PARD3B: variants seen among roughly 807,000 people sequenced by gnomAD.
PARD3B encodes the protein partitioning defective 3 homolog B.
A neutral mutation model predicts 130.2 loss-of-function variants in PARD3B; 103 were observed. The observed-to-expected ratio is 0.79, with a 90% CI of 0.67 to 0.93. The LOEUF (loss-of-function observed/expected upper bound fraction) is 0.93, where lower values mean the gene tolerates loss of function less well. PARD3B is among the 40% of genes least tolerant of loss of function. The pLI, the probability that PARD3B is intolerant of heterozygous loss-of-function variation, is 0.00. For missense variants in PARD3B, 1,609 were observed against 1,499.2 expected (o/e 1.07, Z -1.21); for synonymous variants, 583 against 553.2 (o/e 1.05, Z -0.76).
rs1395074441 is a variant in PARD3B at position 205,553,402 on chromosome 2, A to G, written c.3259A>G (p.Arg1087Gly). The change falls in exon 22 of 23, where the codon AGG becomes GGG. Residue 1087 changes from arginine (R) to glycine (G), a missense_variant and splice_region_variant. Arg to Gly is a moderately radical substitution (Grantham distance 125). Transcript: ENST00000406610. ...GMERQYASLP[R>G]GGPADPVDYL... ...GGAGAGGCAGTACGCATCCTTACCC[A>G]GGTAGATCACGGAGAGGTCTCCCAT... is the stretch of plus-strand genomic sequence containing the variant. 7 of 1,613,738 alleles carry G rather than the reference A, an allele frequency of 4.3e-6. No individual in the cohort carries two copies. The Admixed American group carries it at 6.7e-5, about 15-fold the overall frequency.
intron 3 of PARD3B, among the ~76,000 whole-genome samples, chr2:204,989,230 A>G (rs1693434598): frequency 6.6e-6 from 1 of 152,154 alleles, no homozygotes; most frequent in South Asian, 2.1e-4. Context: ...TGGAAATGGA[A>G]AGAATATTTC....
chr2:205,506,932 T>A (rs1266698890), intron 21 of PARD3B, among the ~76,000 whole-genome samples: 1 of 152,206 alleles, frequency 6.6e-6, no homozygotes, highest in Non-Finnish European at 1.5e-5. Context: ...ATCCAACTCC[T>A]CCAGACAGGC....
At chr2:205,388,477 T>G (rs1404966054) in intron 18 of PARD3B, among the ~76,000 whole-genome samples, 1 of 152,228 alleles carries the variant, frequency 6.6e-6, no homozygotes, top group East Asian at 1.9e-4. Flanking sequence ...ATCATCACTA[T>G]GCGCTAAGCT....
intron 1 of PARD3B, among the ~76,000 whole-genome samples, chr2:204,552,731 C>T (rs946262832): frequency 4.6e-5 from 7 of 152,280 alleles, no homozygotes; most frequent in East Asian, 3.9e-4. Flanking sequence ...TGCCAATTAT[C>T]GCAGCACCAT....
At chr2:205,383,138 A>AGATAGATCGATC (rs955641992) in intron 18 of PARD3B, among the ~76,000 whole-genome samples, 45 of 138,544 alleles carry the variant, frequency 3.2e-4, no homozygotes, top group Middle Eastern at 3.7e-3. Context: ...ATAGATAGAT[A>AGATAGATCGATC]GATCGATCTA....
At chr2:204,810,523 T>C (rs141599292) in intron 2 of PARD3B, among the ~76,000 whole-genome samples, 1 of 152,338 alleles carries the variant, frequency 6.6e-6, no homozygotes, top group African/African-American at 2.4e-5. Flanking sequence ...TCATTGTGCA[T>C]CTATTGTGAT....
intron 2 of PARD3B, among the ~76,000 whole-genome samples, chr2:204,883,522 G>A (rs1420726653): frequency 8.6e-5 from 12 of 139,254 alleles, no homozygotes; most frequent in African/African-American, 2.2e-4. Flanking sequence ...AATCTCGCTC[G>A]CTGCAACCTC....
rs530616613 is a variant in PARD3B at position 205,201,901 on chromosome 2, A to T, written c.2140+8581A>T. Among the ~76,000 whole-genome samples, 3 of 152,344 alleles carry T rather than the reference A, an allele frequency of 2.0e-5. No individual in the cohort carries two copies. In the East Asian group the frequency reaches 5.8e-4, roughly 29 times the overall value. Reference sequence around the variant, plus strand: ...TTATATGTTTTAACTACATAACTGTATTATAATATGTACACAGATTATAAC... The same window carrying T: ...TTATATGTTTTAACTACATAACTGTTTTATAATATGTACACAGATTATAAC... On this transcript the variant is annotated intron_variant, in intron 15 of 22. Transcript: ENST00000406610.
At chr2:204,602,524 G>T (rs1046772338) in intron 1 of PARD3B, among the ~76,000 whole-genome samples, 1 of 152,016 alleles carries the variant, frequency 6.6e-6, no homozygotes, top group Non-Finnish European at 1.5e-5. Flanking sequence ...TTCCTAATCT[G>T]TGGTTAGTAA....
At chr2:205,030,586 A>G (rs1240892808) in intron 3 of PARD3B, among the ~76,000 whole-genome samples, 2 of 152,130 alleles carry the variant, frequency 1.3e-5, no homozygotes, top group Non-Finnish European at 2.9e-5. Flanking sequence ...GCATGTATGA[A>G]TAGGAGAACT....
At chr2:205,493,651 A>T (rs1159753639) in intron 20 of PARD3B, among the ~76,000 whole-genome samples, 2 of 152,104 alleles carry the variant, frequency 1.3e-5, no homozygotes, top group South Asian at 2.1e-4. Context: ...GTTCGTAAGG[A>T]TTATCACCTC....
At chr2:205,538,725 G>A (rs563739242) in intron 21 of PARD3B, among the ~76,000 whole-genome samples, 1 of 152,128 alleles carries the variant, frequency 6.6e-6, no homozygotes, top group Non-Finnish European at 1.5e-5. Flanking sequence ...ATCTGCTCAG[G>A]GGGCTCATGG....
intron 1 of PARD3B, among the ~76,000 whole-genome samples, chr2:204,627,142 G>T (rs191450056): frequency 6.6e-6 from 1 of 151,964 alleles, no homozygotes; most frequent in African/African-American, 2.4e-5. Context: ...TTTGCCTTCC[G>T]CCATGATTGT....
chr2:204,836,435 C>G (rs984973655), intron 2 of PARD3B, among the ~76,000 whole-genome samples: 1 of 152,052 alleles, frequency 6.6e-6, no homozygotes, highest in Non-Finnish European at 1.5e-5. Flanking sequence ...GGCCAAGGCA[C>G]GTGAATTGCC....
rs569734393 is a variant in PARD3B, at chr2:205,015,436, T to C, written c.395-32145T>C. On this transcript the variant is annotated intron_variant, in intron 3 of 22. Coordinates refer to ENST00000406610, the MANE Select transcript of PARD3B (RefSeq NM_001302769.2). This position sits in a 1 kb window ranked among gnomAD's most constrained non-coding sequence, Gnocchi z 4.5. ...TGTGTTGTTCAAGGGTCAACCATAC[T>C]GACATGTTTACATGTATTTCTCCTT... 1.3e-5 allele frequency among the ~76,000 whole-genome samples: 2 copies of C among 152,288 alleles called. No individual in the cohort carries two copies. Among genetic ancestry groups the C allele is most frequent in the South Asian group, 4.1e-4 (2 of 4,820 alleles).
chr2:205,065,068 A>G (rs1052607367), intron 4 of PARD3B, among the ~76,000 whole-genome samples: 2 of 152,206 alleles, frequency 1.3e-5, no homozygotes, highest in African/African-American at 2.4e-5. Flanking sequence ...TAATAACAGC[A>G]TGGAGTGAAT....
intron 2 of PARD3B, among the ~76,000 whole-genome samples, chr2:204,845,688 A>C (rs768906569): frequency 1.3e-5 from 2 of 152,100 alleles, no homozygotes; most frequent in Non-Finnish European, 2.9e-5. Context: ...CCCAACCTCT[A>C]CATAGGTTAC....
At chr2:204,910,727 C>T (rs2047203468) in intron 2 of PARD3B, among the ~76,000 whole-genome samples, 1 of 152,082 alleles carries the variant, frequency 6.6e-6, no homozygotes, top group South Asian at 2.1e-4. Context: ...GCAAGCTCCG[C>T]CTCTCCCGGG....
rs550282187 is a variant in PARD3B, at chr2:205,357,149, C to T, written c.2631-43864C>T. 4.8e-4 allele frequency among the ~76,000 whole-genome samples: 73 copies of T among 152,268 alleles called. 2 individuals carry two copies. Among genetic ancestry groups the T allele is most frequent in the African/African-American group, 1.7e-3 (69 of 41,552 alleles). On this transcript the variant is annotated intron_variant, in intron 18 of 22. Coordinates refer to ENST00000406610, the MANE Select transcript of PARD3B (RefSeq NM_001302769.2). ...CATTAATAAAACAAAGTATTGACTA[C>T]CTGCTATTAATAAATATTAAGCACA...
Sources: allele counts gnomAD v4.1 joint callset (sites outside exome capture counted in the v4.1 genomes callset), GRCh38; gene constraint gnomAD v4.1.1; non-coding constraint Gnocchi (gnomAD v3.1); transcripts MANE v1.5; gene names NCBI Gene and HGNC (gene_info 2026-07-23, HGNC 2026-07-21).